Variants in ZNF425 observed in about 807,000 individuals in gnomAD.
ZNF425 encodes zinc finger protein 425.
In ZNF425, 21 loss-of-function variants were observed where a neutral mutation model predicts 17.0. The ratio of observed to expected loss-of-function variants is 1.23; its 90% CI spans 0.88 to 1.78. ZNF425 has a LOEUF of 1.78. Ranked by LOEUF, ZNF425 falls within the 40% of genes most tolerant of loss-of-function variation. ZNF425 has a pLI of 0.00. For missense variants in ZNF425, 868 were observed against 967.3 expected (o/e 0.90, Z 1.36); for synonymous variants, 433 against 384.1 (o/e 1.13, Z -1.49).
intron 2 of ZNF425, among the ~76,000 whole-genome samples, chr7:149,114,595 C>T (rs1397267105): frequency 6.6e-6 from 1 of 151,694 alleles, no homozygotes; most frequent in East Asian, 1.9e-4. Context: ...GATGGGGTTT[C>T]ACTATGTTGG....
chr7:149,112,609 G>C (rs1359718061), intron 2 of ZNF425, among the ~76,000 whole-genome samples: 2 of 152,100 alleles, frequency 1.3e-5, no homozygotes, highest in Non-Finnish European at 1.5e-5. Context: ...CCCCAGCCTA[G>C]GCAACAGACC....
intron 1 of ZNF425, among the ~76,000 whole-genome samples, chr7:149,124,521 A>ATGT (rs1554458409): frequency 4.0e-5 from 6 of 149,182 alleles, no homozygotes; most frequent in African/African-American, 1.5e-4. Context: ...CCTCACCCAT[A>ATGT]TTTTTTTGTT....
intron 2 of ZNF425, 49 bp from the exon 3 acceptor site, chr7:149,112,344 AT>A (rs763011067): frequency 1.3e-5 from 21 of 1,562,746 alleles, no homozygotes; most frequent in South Asian, 3.5e-5. Context: ...TACTTAAATA[AT>A]TTTTTTGGCC....
In ZNF425 at chr7:149,104,607, T is replaced by A; in HGVS notation, c.1264A>T (p.Ser422Cys). 6.2e-7 allele frequency: 1 copy of A among 1,614,114 alleles called. No individual in the cohort carries two copies. Among genetic ancestry groups the A allele is most frequent in the Admixed American group, 1.7e-5 (1 of 60,016 alleles). The change falls in exon 4 of 4, where the codon AGT becomes TGT. Residue 422 changes from serine (S) to cysteine (C), a missense_variant. Physicochemically the swap from Ser to Cys is moderately radical, Grantham distance 112. This residue lies in a region of ZNF425 where 437 missense variants were observed against 444.2 expected (regional missense o/e 0.98). Transcript: ENST00000378061. The surrounding 1 kb of genome is among the most constrained non-coding windows in gnomAD (Gnocchi z 4.3). ...TTCAGGCTTCTCTTGAGGCGGAAAC[T>A]TTTGTTACACTCGGGACACGAAAAG... Reference protein sequence around the residue: ...KPFSCPECNKSFRLKRSLKAH... With the variant: ...KPFSCPECNKCFRLKRSLKAH...
chr7:149,117,871 C>T (rs1042937430), intron 2 of ZNF425, among the ~76,000 whole-genome samples: 3 of 151,660 alleles, frequency 2.0e-5, no homozygotes, highest in Non-Finnish European at 4.4e-5. Flanking sequence ...AGGCTGGTCT[C>T]GAACTCCTGA....
intron 3 of ZNF425, among the ~76,000 whole-genome samples, chr7:149,111,814 G>A (rs2129518073): frequency 6.6e-6 from 1 of 151,692 alleles, no homozygotes; most frequent in Non-Finnish European, 1.5e-5. Flanking sequence ...AGAGTAGCTG[G>A]GATTGTGGGT....
In ZNF425 at chr7:149,103,221, T is replaced by A. The variant is rs192400397; in HGVS notation, c.*391A>T. 8 of 175,538 alleles carry A rather than the reference T, an allele frequency of 4.6e-5. No individual in the cohort carries two copies. Among genetic ancestry groups the A allele is most frequent in the African/African-American group, 1.7e-4 (7 of 42,090 alleles). The allele number at this position is 175,538 out of a possible 1,614,324, so 10.9% of individuals were successfully genotyped here. On this transcript the variant is annotated 3_prime_UTR_variant, in exon 4 of 4. Coordinates refer to ENST00000378061, the MANE Select transcript of ZNF425 (RefSeq NM_001001661.3). The stretch of plus-strand genomic sequence containing the variant: ...GTGTCTGTAGCCAGTATTTTGTGAT[T>A]TTTTTTCTTTTTTGAGACAAGATCT...
At chr7:149,118,668 A>G in intron 1 of ZNF425, 1 of 413,330 alleles carries the variant, frequency 2.4e-6, no homozygotes, top group South Asian at 1.8e-5. Context: ...TTAAAAAATT[A>G]GCTGGGCGTG....
intron 3 of ZNF425, among the ~76,000 whole-genome samples, chr7:149,110,645 G>A (rs1585484778): frequency 1.3e-5 from 2 of 151,594 alleles, no homozygotes; most frequent in South Asian, 2.1e-4. Flanking sequence ...TTCAAAAGGA[G>A]TTTTAAAAAC....
intron 2 of ZNF425, among the ~76,000 whole-genome samples, chr7:149,115,615 G>A (rs1484697272): frequency 6.6e-6 from 1 of 151,686 alleles, no homozygotes; most frequent in Non-Finnish European, 1.5e-5. Flanking sequence ...GCTTGAAACT[G>A]GGAGACAGAG....
At chr7:149,121,783 A>G (rs1826358431) in intron 1 of ZNF425, among the ~76,000 whole-genome samples, 1 of 152,176 alleles carries the variant, frequency 6.6e-6, no homozygotes, top group African/African-American at 2.4e-5. Flanking sequence ...CTGTTCTGAT[A>G]GGTGTATAGT....
At chr7:149,116,988 C>T (rs1045570813) in intron 2 of ZNF425, among the ~76,000 whole-genome samples, 10 of 152,176 alleles carry the variant, frequency 6.6e-5, no homozygotes, top group African/African-American at 2.4e-4. Flanking sequence ...TGAGGCCAGG[C>T]GTGGTGGCTC....
At chr7:149,124,521 A>AT (rs140291330) in intron 1 of ZNF425, among the ~76,000 whole-genome samples, 4,354 of 149,248 alleles carry the variant, frequency 0.029, 95 homozygotes, top group Admixed American at 0.053. Context: ...CCTCACCCAT[A>AT]TTTTTTTGTT....
At position 149,112,015 on chromosome 7, in the gene ZNF425, A is replaced by C; in HGVS notation, c.304+122T>G. On this transcript the variant is annotated intron_variant, in intron 3 of 3. Coordinates refer to ENST00000378061, the MANE Select transcript of ZNF425 (RefSeq NM_001001661.3). The stretch of plus-strand genomic sequence containing the variant: ...CTACCCTCTTGAGTAAAGAAAACTA[A>C]CATTCTCCATCAAAACAACTTTTTT... 3 of 1,013,728 alleles carry C rather than the reference A, an allele frequency of 3.0e-6. No individual in the cohort carries two copies. The South Asian group carries it at 4.9e-5, about 17-fold the overall frequency. The allele number at this position is 1,013,728 out of a possible 1,614,324, so 62.8% of individuals were successfully genotyped here. A position where few individuals can be genotyped will look rare whatever the true frequency, so the allele number is the denominator to read the frequency against.
At chr7:149,118,790 G>A in intron 1 of ZNF425, 1 of 204,854 alleles carries the variant, frequency 4.9e-6, no homozygotes, top group African/African-American at 2.3e-5. Context: ...ACTCCAGCCT[G>A]GGCTACAGAG....
chr7:149,109,800 G>A (rs896179062), intron 3 of ZNF425, among the ~76,000 whole-genome samples: 3 of 151,934 alleles, frequency 2.0e-5, no homozygotes, highest in African/African-American at 4.8e-5. Context: ...GGAGGCACTC[G>A]ATATTGGTTA....
chr7:149,115,324 G>A (rs1826246615), intron 2 of ZNF425, among the ~76,000 whole-genome samples: 1 of 151,854 alleles, frequency 6.6e-6, no homozygotes, highest in Non-Finnish European at 1.5e-5. Context: ...TGATTAAGAG[G>A]TAGAAAGTAA....
At chr7:149,107,181 G>A (rs975304749) in intron 3 of ZNF425, among the ~76,000 whole-genome samples, 2 of 151,406 alleles carry the variant, frequency 1.3e-5, no homozygotes, top group African/African-American at 4.9e-5. Flanking sequence ...AGAGATTTCA[G>A]GAAAGATTTT....
Position 149,104,450 on chromosome 7 carries a change from TCGGCG to T in ZNF425, c.1416_1420del (p.Cys472Ter). On this transcript the variant is annotated stop_gained and frameshift_variant, in exon 4 of 4. Coordinates refer to ENST00000378061, the MANE Select transcript of ZNF425 (RefSeq NM_001001661.3). LOFTEE classifies it low-confidence loss of function (END_TRUNC). The surrounding 1 kb of genome is among the most constrained non-coding windows in gnomAD (Gnocchi z 4.3). Reference sequence around the variant, plus strand: ...AGGCCGCGTGAAGCGCTTGCCGCACTCGGCGCAGGGGAAGGGCTTTTGCTCGCTGT... The same window carrying T: ...AGGCCGCGTGAAGCGCTTGCCGCACTCAGGGGAAGGGCTTTTGCTCGCTGT... 2 of 1,601,326 alleles carry T rather than the reference TCGGCG, an allele frequency of 1.2e-6. No individual in the cohort carries two copies.
Sources: gnomAD v4.1 joint callset for allele counts (sites outside exome capture counted in the v4.1 genomes callset) on GRCh38, gnomAD v4.1.1 for gene constraint, gnomAD v4.1.1 regional missense constraint, Gnocchi (gnomAD v3.1) non-coding constraint, MANE v1.5 for transcripts, NCBI Gene and HGNC (gene_info 2026-07-23, HGNC 2026-07-21) for gene names.